SH3RF1: variants seen among roughly 807,000 people sequenced by gnomAD.
SH3RF1 encodes E3 ubiquitin-protein ligase SH3RF1.
Under a neutral mutation model 74.0 loss-of-function variants are expected in SH3RF1, and 32 were observed. The observed-to-expected ratio is 0.43, with a 90% CI of 0.33 to 0.58. The LOEUF is 0.58. SH3RF1 is among the 20% of genes least tolerant of loss of function. The probability of loss-of-function intolerance (pLI) is 0.05; values close to 1 mark genes in which losing one functional copy is unlikely to be tolerated. For synonymous variants in SH3RF1, 396 were observed against 439.6 expected (o/e 0.90, Z 1.24); for missense variants, 954 against 1,130.9 (o/e 0.84, Z 2.24).
chr4:169,248,275 T>C (rs1221539010), intron 2 of SH3RF1, among the ~76,000 whole-genome samples: 2 of 152,178 alleles, frequency 1.3e-5, no homozygotes, highest in Admixed American at 6.5e-5. Flanking sequence ...AAAGAAAATG[T>C]GGCACATATG....
At chr4:169,103,935 T>C (rs1733086532) in intron 11 of SH3RF1, among the ~76,000 whole-genome samples, 1 of 152,236 alleles carries the variant, frequency 6.6e-6, no homozygotes, top group Non-Finnish European at 1.5e-5. Flanking sequence ...CAGGCCCATC[T>C]GTCCTGTCAT....
intron 6 of SH3RF1, 137 bp downstream of exon 6, chr4:169,129,909 G>T: frequency 1.4e-6 from 1 of 698,182 alleles, no homozygotes; most frequent in Non-Finnish European, 2.4e-6. Flanking sequence ...GATTAACAGA[G>T]ATAATAGATG....
At chr4:169,210,541 A>T (rs1204748158) in intron 2 of SH3RF1, among the ~76,000 whole-genome samples, 1 of 152,246 alleles carries the variant, frequency 6.6e-6, no homozygotes, top group East Asian at 1.9e-4. Flanking sequence ...ATAGAATTAC[A>T]TTTATGTAAA....
Position 169,141,590 on chromosome 4 carries a change from C to T in SH3RF1, c.766-4970G>A, listed in dbSNP as rs116686989. 1.2e-3 allele frequency among the ~76,000 whole-genome samples: 175 copies of T among 150,816 alleles called. 1 individual carries two copies. Among genetic ancestry groups the T allele is most frequent in the African/African-American group, 4.1e-3 (171 of 41,234 alleles). ...GATTTGCTTATTTCCATACTCTATC[C>T]ATATTTCTATTGGATTGTTAGTATT... On this transcript the variant is annotated intron_variant, in intron 4 of 11. Transcript: ENST00000284637.
intron 6 of SH3RF1, among the ~76,000 whole-genome samples, chr4:169,126,979 T>C (rs1454301191): frequency 1.3e-5 from 2 of 152,226 alleles, no homozygotes; most frequent in African/African-American, 4.8e-5. Flanking sequence ...TATAATACCT[T>C]GCAGTTAACC....
chr4:169,161,884 A>T (rs1311538593), intron 2 of SH3RF1, among the ~76,000 whole-genome samples: 1 of 152,172 alleles, frequency 6.6e-6, no homozygotes, highest in Non-Finnish European at 1.5e-5. Flanking sequence ...ACAATTTTTT[A>T]AAAATATCTT....
chr4:169,255,400 T>A (rs967357012), intron 2 of SH3RF1, among the ~76,000 whole-genome samples: 16 of 152,040 alleles, frequency 1.1e-4, no homozygotes, highest in Non-Finnish European at 2.2e-4. Flanking sequence ...ACAATTTTTT[T>A]AAAAGGGAAA....
At chr4:169,176,344 C>T (rs567462904) in intron 2 of SH3RF1, among the ~76,000 whole-genome samples, 3 of 152,230 alleles carry the variant, frequency 2.0e-5, no homozygotes, top group South Asian at 2.1e-4. Context: ...ATTTGAATGA[C>T]GGTACATTAG....
At chr4:169,166,641 C>T in intron 2 of SH3RF1, 1 of 205,494 alleles carries the variant, frequency 4.9e-6, no homozygotes, top group South Asian at 1.1e-4. Flanking sequence ...GTCTCAAAAG[C>T]TGCTGAGCCA....
intron 8 of SH3RF1, among the ~76,000 whole-genome samples, chr4:169,120,458 G>C (rs1298862510): frequency 1.3e-5 from 2 of 152,188 alleles, no homozygotes; most frequent in African/African-American, 4.8e-5. Context: ...CTGGCATATA[G>C]TACGCATTAT....
At chr4:169,125,967 G>C (rs972202261) in intron 6 of SH3RF1, among the ~76,000 whole-genome samples, 1 of 152,194 alleles carries the variant, frequency 6.6e-6, no homozygotes, top group African/African-American at 2.4e-5. Context: ...AAACAAGAGA[G>C]ATATGTATAT....
intron 2 of SH3RF1, among the ~76,000 whole-genome samples, chr4:169,214,911 A>T (rs1448850861): frequency 6.6e-6 from 1 of 152,132 alleles, no homozygotes; most frequent in Non-Finnish European, 1.5e-5. Context: ...CTCTGTAAAC[A>T]GACATTTTTA....
intron 2 of SH3RF1, among the ~76,000 whole-genome samples, chr4:169,177,250 T>G (rs1734435597): frequency 6.6e-6 from 1 of 152,246 alleles, no homozygotes; most frequent in Non-Finnish European, 1.5e-5. Context: ...AGAATACCTG[T>G]CATTATGGTT....
At chr4:169,139,134 G>A (rs972388592) in intron 4 of SH3RF1, among the ~76,000 whole-genome samples, 2 of 152,118 alleles carry the variant, frequency 1.3e-5, no homozygotes, top group Admixed American at 6.5e-5. Context: ...GTAGCAATGA[G>A]GTCTCATTAT....
At position 169,115,110 on chromosome 4, in the gene SH3RF1, A is replaced by G. The variant is rs190561735; in HGVS notation, c.2139+1159T>C. Among the ~76,000 whole-genome samples the G allele has an allele frequency of 1.7e-3, 256 of 152,312 alleles. 2 individuals carry two copies. The highest frequency in any genetic ancestry group is 5.9e-3 in the African/African-American group (246 of 41,562). On this transcript the variant is annotated intron_variant, in intron 10 of 11. Transcript: ENST00000284637. ...CCAACCATCGGTTATTCTTTCCAATATAACTTTCCATTTATATTTTCTTTA... is the reference window on the plus strand; with the variant it reads ...CCAACCATCGGTTATTCTTTCCAATGTAACTTTCCATTTATATTTTCTTTA...
At position 169,257,829 on chromosome 4, in the gene SH3RF1, G is replaced by T. The variant is rs193221732; in HGVS notation, c.393+10991C>A. Among the ~76,000 whole-genome samples, 25 of 152,318 alleles carry T rather than the reference G, an allele frequency of 1.6e-4. No individual in the cohort carries two copies. The East Asian group carries it at 4.6e-3, about 28-fold the overall frequency. On this transcript the variant is annotated intron_variant, in intron 2 of 11. Coordinates refer to ENST00000284637, the MANE Select transcript of SH3RF1 (RefSeq NM_020870.4). The stretch of plus-strand genomic sequence containing the variant: ...AGCCCTATTTAGAGCTTAATCCAAA[G>T]TCAGGCTCCCTAAACTGTCCTTGCT...
chr4:169,259,321 C>T (rs56398134), intron 2 of SH3RF1, among the ~76,000 whole-genome samples: 18,214 of 152,090 alleles, frequency 0.12, 1,149 homozygotes, highest in Middle Eastern at 0.18. Context: ...TCACTTTTTT[C>T]ATGTTTCACA....
At chr4:169,138,217 G>C (rs909566948) in intron 4 of SH3RF1, among the ~76,000 whole-genome samples, 5 of 152,190 alleles carry the variant, frequency 3.3e-5, no homozygotes, top group African/African-American at 1.2e-4. Flanking sequence ...ATGAAGCAAA[G>C]TAATGCTTTA....
Position 169,217,362 on chromosome 4 carries a change from A to C in SH3RF1, c.393+51458T>G, listed in dbSNP as rs1452297521. Reference sequence around the variant, plus strand: ...TAGAAGCCAACGAGCAGAACACCAAAGCTTGTCACTGGGCAACAGAGAACT... The same window carrying C: ...TAGAAGCCAACGAGCAGAACACCAACGCTTGTCACTGGGCAACAGAGAACT... On this transcript the variant is annotated intron_variant, in intron 2 of 11. Coordinates refer to ENST00000284637, the MANE Select transcript of SH3RF1 (RefSeq NM_020870.4). The C allele has an allele frequency of 3.3e-5, 5 of 152,358 alleles. No individual in the cohort carries two copies. The East Asian group carries it at 9.7e-4, about 29-fold the overall frequency. 9.4% of individuals were successfully genotyped at this position (152,358 alleles called of 1,614,324 possible). A position where few individuals can be genotyped will look rare whatever the true frequency, so the allele number is the denominator to read the frequency against.
Sources: gnomAD v4.1 joint callset for allele counts (sites outside exome capture counted in the v4.1 genomes callset) on GRCh38, gnomAD v4.1.1 for gene constraint, MANE v1.5 for transcripts, NCBI Gene and HGNC (gene_info 2026-07-23, HGNC 2026-07-21) for gene names.